The following SH3PXD2A variants were observed in gnomAD, a reference collection of about 807,000 sequenced individuals.
SH3PXD2A encodes the protein SH3 and PX domains 2A, also known as SH3 and PX domain-containing protein 2A.
Under a neutral mutation model 115.2 loss-of-function variants are expected in SH3PXD2A, and 32 were observed. The observed-to-expected ratio is 0.28, with a 90% confidence interval of 0.21 to 0.37. The LOEUF (loss-of-function observed/expected upper bound fraction) is 0.37, where lower values mean the gene tolerates loss of function less well. Ranked by LOEUF, SH3PXD2A falls within the 10% of genes least tolerant of loss-of-function variation. SH3PXD2A has a pLI of 1.00. For missense variants in SH3PXD2A, 1,328 were observed against 1,498.7 expected (o/e 0.89, Z 1.88); for synonymous variants, 610 against 629.1 (o/e 0.97, Z 0.45).
At chr10:103,774,359 T>C (rs1478050875) in intron 2 of SH3PXD2A, among the ~76,000 whole-genome samples, 1 of 152,206 alleles carries the variant, frequency 6.6e-6, no homozygotes, top group East Asian at 1.9e-4. Context: ...CCAGTGAAAT[T>C]TTCATTTCAA....
At chr10:103,739,897 C>T (rs1040870669) in intron 3 of SH3PXD2A, among the ~76,000 whole-genome samples, 1 of 152,134 alleles carries the variant, frequency 6.6e-6, no homozygotes, top group African/African-American at 2.4e-5. Context: ...TGGGGGCCTC[C>T]GGTGGGAGTC....
intron 1 of SH3PXD2A, among the ~76,000 whole-genome samples, chr10:103,806,990 C>A (rs1228365441): frequency 6.6e-6 from 1 of 152,218 alleles, no homozygotes; most frequent in African/African-American, 2.4e-5. Flanking sequence ...TCTTGGGCTG[C>A]CTTCTGTCTG....
chr10:103,677,977 A>G (rs895418610), intron 6 of SH3PXD2A: 17 of 525,066 alleles, frequency 3.2e-5, no homozygotes, highest in Non-Finnish European at 5.1e-5. Flanking sequence ...TGTGCTGGGC[A>G]CAGTGGCTCC....
chr10:103,714,738 A>C lies in SH3PXD2A; in HGVS notation c.398+9532T>G, dbSNP rs76787826. On this transcript the variant is annotated intron_variant, in intron 5 of 14. Coordinates refer to ENST00000369774, the MANE Select transcript of SH3PXD2A (RefSeq NM_001394015.1). Reference sequence around the variant, plus strand: ...GCTGGCCCTCCTGCCCATCAACATAAAGAGGCTATTTGTGCAGCAGCCAGT... The same window carrying C: ...GCTGGCCCTCCTGCCCATCAACATACAGAGGCTATTTGTGCAGCAGCCAGT... Among the ~76,000 whole-genome samples the C allele has an allele frequency of 4.8e-3, 732 of 152,300 alleles. 9 individuals carry two copies. Among genetic ancestry groups the C allele is most frequent in the African/African-American group, 0.017 (700 of 41,558 alleles).
At position 103,743,405 on chromosome 10, in the gene SH3PXD2A, T is replaced by C. The variant is rs924677526; in HGVS notation, c.230-7597A>G. Among the ~76,000 whole-genome samples the C allele has an allele frequency of 5.3e-5, 8 of 152,054 alleles. 1 individual carries two copies. The highest frequency in any genetic ancestry group is 1.3e-4 in the Admixed American group (2 of 15,272). ...CAGACTGGGACTCTTTTTTTGTTTG[T>C]TTTTGAGAGAGGATCTCATCTGCCA... On this transcript the variant is annotated intron_variant, in intron 3 of 14. Transcript: ENST00000369774.
intron 3 of SH3PXD2A, among the ~76,000 whole-genome samples, chr10:103,745,328 T>A (rs896544868): frequency 1.4e-4 from 22 of 152,356 alleles, no homozygotes; most frequent in Non-Finnish European, 3.1e-4. Flanking sequence ...TTTCCCCTTT[T>A]TTCTTAAGCC....
chr10:103,636,381 C>T (rs983145889), intron 8 of SH3PXD2A, among the ~76,000 whole-genome samples: 4 of 150,256 alleles, frequency 2.7e-5, no homozygotes, highest in Non-Finnish European at 5.9e-5. Context: ...TGCACTCCAG[C>T]CTGGGTGACA....
chr10:103,767,276 G>C, intron 2 of SH3PXD2A, 107 bp from the exon 3 acceptor site: 2 of 772,632 alleles, frequency 2.6e-6, no homozygotes, highest in Non-Finnish European at 4.5e-6. Flanking sequence ...TCCTCACACG[G>C]ATGAGTGACG....
chr10:103,646,378 C>T (rs1290815251), intron 8 of SH3PXD2A, among the ~76,000 whole-genome samples: 1 of 152,168 alleles, frequency 6.6e-6, no homozygotes, highest in Non-Finnish European at 1.5e-5. Context: ...AAACCAGATA[C>T]TCCCCTAGTC....
At chr10:103,717,450 T>G (rs2038118078) in intron 5 of SH3PXD2A, among the ~76,000 whole-genome samples, 1 of 151,010 alleles carries the variant, frequency 6.6e-6, no homozygotes, top group Non-Finnish European at 1.5e-5. Context: ...CCAGAGCGAG[T>G]GGGGAGGAGA....
Position 103,612,874 on chromosome 10 carries a change from C to A in SH3PXD2A, c.1237G>T (p.Ala413Ser), listed in dbSNP as rs755667357. The A allele has an allele frequency of 1.6e-5, 26 of 1,575,774 alleles. No individual in the cohort carries two copies. The highest frequency in any genetic ancestry group is 2.1e-5 in the Non-Finnish European group (24 of 1,163,530). Residue 413 changes from alanine (A) to serine (S), a missense_variant, in exon 12 of 15, where the codon GCC becomes TCC. This residue lies in a region of SH3PXD2A where 509 missense variants were observed against 628.3 expected (regional missense o/e 0.81). Transcript: ENST00000369774. ...TTACTGATCTGGGCCCGCTGAGGGG[C>A]AATCCTGGCCACAGCTGGAGAGCCC... The part of the protein sequence containing the change: ...AQGSPAVARI[A>S]PQRAQISSPN...
chr10:103,798,909 C>T (rs150818102), intron 2 of SH3PXD2A, among the ~76,000 whole-genome samples: 212 of 152,254 alleles, frequency 1.4e-3, no homozygotes, highest in African/African-American at 4.9e-3. Context: ...CCCCTAGACG[C>T]CCCCCAGCCA....
intron 8 of SH3PXD2A, among the ~76,000 whole-genome samples, chr10:103,639,957 A>T (rs1044533895): frequency 2.6e-5 from 4 of 152,212 alleles, no homozygotes; most frequent in South Asian, 4.1e-4. Flanking sequence ...TGGAGCCCTG[A>T]GGACATGCTC....
At chr10:103,761,231 C>A (rs1185594964) in intron 3 of SH3PXD2A, among the ~76,000 whole-genome samples, 1 of 152,070 alleles carries the variant, frequency 6.6e-6, no homozygotes, top group Non-Finnish European at 1.5e-5. Flanking sequence ...ACTGCGGTTA[C>A]ATAAGATGTT....
At chr10:103,630,638 A>G (rs749377755) in intron 8 of SH3PXD2A, among the ~76,000 whole-genome samples, 2 of 151,876 alleles carry the variant, frequency 1.3e-5, no homozygotes, top group Non-Finnish European at 2.9e-5. Context: ...ATAGAGAGCC[A>G]GAAGCGCTGG....
At chr10:103,785,169 G>T (rs2038968970) in intron 2 of SH3PXD2A, among the ~76,000 whole-genome samples, 1 of 152,194 alleles carries the variant, frequency 6.6e-6, no homozygotes, top group Non-Finnish European at 1.5e-5. Flanking sequence ...ACCTGACCTG[G>T]ATCGCTGACA....
At position 103,835,148 on chromosome 10, in the gene SH3PXD2A, T is replaced by G. The variant is rs540806122; in HGVS notation, c.72+20047A>C. On this transcript the variant is annotated intron_variant, in intron 1 of 14. Coordinates refer to ENST00000369774, the MANE Select transcript of SH3PXD2A (RefSeq NM_001394015.1). ...CAGTTGTTTGGAGTCACAAGCTGGC[T>G]AGGTACCAGGAAGCCCTCTCCCAGC... Among the ~76,000 whole-genome samples the G allele has an allele frequency of 3.3e-5, 5 of 152,240 alleles. No homozygotes were observed. The South Asian group carries it at 1.0e-3, about 32-fold the overall frequency.
chr10:103,738,330 T>G (rs1440947712), intron 3 of SH3PXD2A, among the ~76,000 whole-genome samples: 2 of 152,224 alleles, frequency 1.3e-5, no homozygotes, highest in Non-Finnish European at 2.9e-5. Flanking sequence ...TGTCGCTTGA[T>G]TGCTCACATG....
chr10:103,815,962 G>A (rs1470419249), intron 1 of SH3PXD2A, among the ~76,000 whole-genome samples: 3 of 152,014 alleles, frequency 2.0e-5, no homozygotes. Flanking sequence ...CAAATATATA[G>A]AAGCAGAGAA....
Sources: allele counts gnomAD v4.1 joint callset (sites outside exome capture counted in the v4.1 genomes callset), GRCh38; gene constraint gnomAD v4.1.1; regional missense constraint gnomAD v4.1.1; transcripts MANE v1.5; gene names NCBI Gene and HGNC (gene_info 2026-07-23, HGNC 2026-07-21).